The following RNGTT variants were observed in gnomAD, a reference collection of about 807,000 sequenced individuals.
RNGTT encodes the protein RNA guanylyltransferase and 5'-phosphatase, also known as mRNA-capping enzyme.
A neutral mutation model predicts 79.3 loss-of-function variants in RNGTT; 33 were observed. That is an observed-to-expected ratio of 0.42 (90% confidence interval 0.32 to 0.56). The LOEUF (loss-of-function observed/expected upper bound fraction) is 0.56, where lower values mean the gene tolerates loss of function less well. Ranked by LOEUF, RNGTT falls within the 20% of genes least tolerant of loss-of-function variation. The pLI is 0.17. For missense variants in RNGTT, 497 were observed against 739.1 expected (o/e 0.67, Z 3.80); for synonymous variants, 222 against 235.9 (o/e 0.94, Z 0.54).
At chr6:88,950,003 G>C (rs13213900) in intron 1 of RNGTT, among the ~76,000 whole-genome samples, 14,532 of 152,210 alleles carry the variant, frequency 0.095, 920 homozygotes, top group South Asian at 0.2. Context: ...TTTCTTGTTA[G>C]GAGCTGGTAA....
At chr6:88,925,927 G>A (rs1453503334) in intron 4 of RNGTT, among the ~76,000 whole-genome samples, 1 of 152,098 alleles carries the variant, frequency 6.6e-6, no homozygotes, top group South Asian at 2.1e-4. Context: ...TAGACATTTT[G>A]ATTACGTAGG....
chr6:88,777,986 A>T (rs1452755880), intron 12 of RNGTT, among the ~76,000 whole-genome samples: 1 of 152,134 alleles, frequency 6.6e-6, no homozygotes, highest in African/African-American at 2.4e-5. Context: ...TTTTATTGGA[A>T]GTTTTTGTCC....
intron 11 of RNGTT, among the ~76,000 whole-genome samples, chr6:88,802,216 TA>T (rs1361231045): frequency 6.6e-6 from 1 of 152,216 alleles, no homozygotes; most frequent in Non-Finnish European, 1.5e-5. Context: ...TTATAATCCA[TA>T]AATACATTGT....
chr6:88,801,639 A>G lies in RNGTT; in HGVS notation c.1270-7T>C. ...CAAAATTTCCTTCAAGTAGCTATAA[A>G]ATAAATACACATGTATTCTTTAAAA... On this transcript the variant is annotated splice_region_variant and splice_polypyrimidine_tract_variant and intron_variant, in intron 11 of 15. Coordinates refer to ENST00000369485, the MANE Select transcript of RNGTT (RefSeq NM_003800.5). The G allele has an allele frequency of 6.4e-7, 1 of 1,563,270 alleles. No homozygotes were observed. The highest frequency in any genetic ancestry group is 8.8e-7 in the Non-Finnish European group (1 of 1,134,142).
chr6:88,757,390 G>GTA (rs1179905262), intron 13 of RNGTT, among the ~76,000 whole-genome samples: 1 of 152,144 alleles, frequency 6.6e-6, no homozygotes, highest in Non-Finnish European at 1.5e-5. Flanking sequence ...AATATCAATT[G>GTA]TATATCTGGA....
intron 8 of RNGTT, among the ~76,000 whole-genome samples, chr6:88,876,985 A>C (rs1202671776): frequency 6.6e-6 from 1 of 152,254 alleles, no homozygotes; most frequent in East Asian, 1.9e-4. Context: ...TCTCATACTT[A>C]GGATTTGATT....
At chr6:88,834,222 G>A in intron 11 of RNGTT, among the ~76,000 whole-genome samples, 1 of 152,062 alleles carries the variant, frequency 6.6e-6, no homozygotes, top group East Asian at 1.9e-4. Flanking sequence ...ATTTCTTCAT[G>A]TGTCAATGAA....
intron 2 of RNGTT, among the ~76,000 whole-genome samples, chr6:88,940,066 CT>C (rs112969054): frequency 0.058 from 8,199 of 140,904 alleles, 728 homozygotes; most frequent in African/African-American, 0.2. Flanking sequence ...CCCAGTTTTT[CT>C]TTTTTTTTTT....
At chr6:88,688,132 T>A (rs1047397585) in intron 13 of RNGTT, among the ~76,000 whole-genome samples, 4 of 152,190 alleles carry the variant, frequency 2.6e-5, no homozygotes, top group Admixed American at 6.5e-5. Flanking sequence ...AACACTGTAC[T>A]TAAGTCAATA....
chr6:88,843,176 A>ATT, intron 11 of RNGTT, among the ~76,000 whole-genome samples: 1 of 152,008 alleles, frequency 6.6e-6, no homozygotes, highest in Non-Finnish European at 1.5e-5. Flanking sequence ...AGTGCTGGCA[A>ATT]TGGGAAAATG....
intron 12 of RNGTT, among the ~76,000 whole-genome samples, chr6:88,776,758 T>C (rs752040474): frequency 2.0e-5 from 3 of 152,162 alleles, no homozygotes; most frequent in Non-Finnish European, 4.4e-5. Context: ...ATATTATAGA[T>C]ATCCCCTTAT....
intron 8 of RNGTT, among the ~76,000 whole-genome samples, chr6:88,883,960 C>T (rs901211849): frequency 6.6e-6 from 1 of 152,182 alleles, no homozygotes; most frequent in Non-Finnish European, 1.5e-5. Flanking sequence ...AATACCATTT[C>T]TCACTAACCA....
At chr6:88,682,567 A>C (rs1443129660) in intron 13 of RNGTT, among the ~76,000 whole-genome samples, 1 of 152,150 alleles carries the variant, frequency 6.6e-6, no homozygotes, top group Non-Finnish European at 1.5e-5. Flanking sequence ...TCCATAAAGC[A>C]CATTTTTTTT....
intron 12 of RNGTT, among the ~76,000 whole-genome samples, chr6:88,783,992 T>A (rs1779149611): frequency 6.6e-6 from 1 of 152,072 alleles, no homozygotes; most frequent in African/African-American, 2.4e-5. Context: ...TAATGGGGGT[T>A]TCAGACAAAT....
At chr6:88,917,109 C>T (rs988150704) in intron 4 of RNGTT, among the ~76,000 whole-genome samples, 1 of 152,094 alleles carries the variant, frequency 6.6e-6, no homozygotes, top group Non-Finnish European at 1.5e-5. Flanking sequence ...TCTAAGAAAC[C>T]GGATTTGTCA....
intron 11 of RNGTT, among the ~76,000 whole-genome samples, chr6:88,821,981 T>A (rs930319098): frequency 6.6e-6 from 1 of 151,922 alleles, no homozygotes; most frequent in Non-Finnish European, 1.5e-5. Context: ...AATAAATAAG[T>A]TGAAAACAAA....
At chr6:88,848,210 G>A (rs144740200) in intron 10 of RNGTT, among the ~76,000 whole-genome samples, 52 of 151,982 alleles carry the variant, frequency 3.4e-4, no homozygotes, top group African/African-American at 1.2e-3. Context: ...GTGATAAAAC[G>A]AACTTTGGCA....
At position 88,941,138 on chromosome 6, in the gene RNGTT, T is replaced by C; in HGVS notation, c.107A>G (p.Asp36Gly). 6.2e-7 allele frequency: 1 copy of C among 1,613,446 alleles called. No homozygotes were observed. Residue 36 changes from aspartate to glycine, a missense_variant, in exon 2 of 16, where the codon GAT (aspartate) becomes GGT (glycine). By Grantham distance (94) the Asp-to-Gly change is moderately conservative. Around this residue, in one of 3 missense-constraint regions of RNGTT, gnomAD observed 440 missense variants for 671.5 expected, o/e 0.66. Transcript: ENST00000369485. ...CCGATTTTCTTCAGCAACTTGACTATCATATCTTGGTCCTAACATTGTCTT... is the reference window on the plus strand; with the variant it reads ...CCGATTTTCTTCAGCAACTTGACTACCATATCTTGGTCCTAACATTGTCTT... The part of the protein sequence containing the change: ...PLKTMLGPRY[D>G]SQVAEENRFH...
chr6:88,801,526 A>C, intron 12 of RNGTT, 38 bp downstream of exon 12: 1 of 1,526,238 alleles, frequency 6.6e-7, no homozygotes, highest in South Asian at 1.1e-5. Flanking sequence ...ACACACAAAC[A>C]CACAAACGAA....
Sources: gnomAD v4.1 joint callset for allele counts (sites outside exome capture counted in the v4.1 genomes callset) on GRCh38, gnomAD v4.1.1 for gene constraint, gnomAD v4.1.1 regional missense constraint, MANE v1.5 for transcripts, NCBI Gene and HGNC (gene_info 2026-07-23, HGNC 2026-07-21) for gene names.